Variants in GNA13 observed in about 807,000 individuals in gnomAD.
GNA13 encodes the protein guanine nucleotide-binding protein subunit alpha-13.
Under a neutral mutation model 33.5 loss-of-function variants are expected in GNA13, and 4 were observed. The ratio of observed to expected loss-of-function variants is 0.12; its 90% CI spans 0.06 to 0.27. The LOEUF is 0.27. Ranked by LOEUF, GNA13 falls within the 10% of genes least tolerant of loss-of-function variation. The pLI, the probability that GNA13 is intolerant of heterozygous loss-of-function variation, is 1.00. For missense variants in GNA13, 319 were observed against 487.2 expected (o/e 0.65, Z 3.25); for synonymous variants, 176 against 183.8 (o/e 0.96, Z 0.34).
chr17:65,036,303 C>A (rs1907244237), intron 2 of GNA13, among the ~76,000 whole-genome samples: 2 of 152,202 alleles, frequency 1.3e-5, no homozygotes, highest in South Asian at 4.1e-4. Context: ...GTTTCCAAGT[C>A]CCGATTTGGT....
At chr17:65,030,058 A>G (rs1906947592) in intron 2 of GNA13, among the ~76,000 whole-genome samples, 1 of 152,226 alleles carries the variant, frequency 6.6e-6, no homozygotes, top group Non-Finnish European at 1.5e-5. Context: ...GAAGATGCTA[A>G]GACAAAATGG....
chr17:65,035,998 T>C (rs1453024963), intron 2 of GNA13, among the ~76,000 whole-genome samples: 1 of 152,210 alleles, frequency 6.6e-6, no homozygotes, highest in Non-Finnish European at 1.5e-5. Context: ...TGCTAAAAAA[T>C]ACCCTATAAC....
intron 2 of GNA13, among the ~76,000 whole-genome samples, chr17:65,031,866 TAGAGAG>T (rs138789425): frequency 5.1e-4 from 54 of 106,408 alleles, no homozygotes; most frequent in African/African-American, 1.8e-3. Context: ...CCGGACAACA[TAGAGAG>T]AGAGAGAGAG....
chr17:65,046,175 A>AT (rs1907654595), intron 2 of GNA13, among the ~76,000 whole-genome samples: 1 of 152,216 alleles, frequency 6.6e-6, no homozygotes, highest in Admixed American at 6.5e-5. Flanking sequence ...TATGATCATG[A>AT]ATGTGATAGG....
At chr17:65,029,342 C>T (rs556889058) in intron 2 of GNA13, among the ~76,000 whole-genome samples, 6 of 152,282 alleles carry the variant, frequency 3.9e-5, no homozygotes, top group African/African-American at 4.8e-5. Flanking sequence ...TTCCCCCACA[C>T]GCCTCTGCTT....
Position 65,012,796 on chromosome 17 carries a change from A to AT in GNA13, c.*1460dup, listed in dbSNP as rs1906240162. ...AAATGACAGATATCACAGTCTTAAA[A>AT]TTTTCAGGAAAAGTAGAAAAGCTGT... On this transcript the variant is annotated 3_prime_UTR_variant, in exon 4 of 4. Coordinates refer to ENST00000439174, the MANE Select transcript of GNA13 (RefSeq NM_006572.6). 4 of 217,636 alleles carry AT rather than the reference A, an allele frequency of 1.8e-5. No individual in the cohort carries two copies. In the East Asian group the frequency reaches 2.7e-4, roughly 15 times the overall value. 13.5% of individuals were successfully genotyped at this position (217,636 alleles called of 1,614,324 possible). A position where few individuals can be genotyped will look rare whatever the true frequency, so the allele number is the denominator to read the frequency against.
intron 2 of GNA13, among the ~76,000 whole-genome samples, chr17:65,052,671 T>C (rs1907898794): frequency 6.6e-6 from 1 of 152,196 alleles, no homozygotes; most frequent in Non-Finnish European, 1.5e-5. Flanking sequence ...TTAACCTGGA[T>C]TGGATACTTT....
chr17:65,028,144 T>G (rs1906864255), intron 2 of GNA13, among the ~76,000 whole-genome samples: 1 of 152,218 alleles, frequency 6.6e-6, no homozygotes, highest in Non-Finnish European at 1.5e-5. Context: ...GAGAATGGCG[T>G]GAACCCGGGA....
At chr17:65,024,284 A>G (rs1338860050) in intron 2 of GNA13, among the ~76,000 whole-genome samples, 1 of 152,214 alleles carries the variant, frequency 6.6e-6, no homozygotes, top group Non-Finnish European at 1.5e-5. Context: ...ATTTGGTAGT[A>G]TCTGTGTGAA....
In GNA13 at chr17:65,040,391, T is replaced by C. The variant is rs558857943; in HGVS notation, c.510+13111A>G. Among the ~76,000 whole-genome samples the C allele has an allele frequency of 2.6e-5, 4 of 152,350 alleles. No homozygotes were observed. The East Asian group carries it at 5.8e-4, about 22-fold the overall frequency. On this transcript the variant is annotated intron_variant, in intron 2 of 3. Coordinates refer to ENST00000439174, the MANE Select transcript of GNA13 (RefSeq NM_006572.6). ...GTGGCAAGCTGGTAACAGTTAAAAA[T>C]AGCAAATCATTTGTATTATAATATT... is the stretch of plus-strand genomic sequence containing the variant.
At chr17:65,037,795 A>AAAAAAAAAAAAAAAAAAACAAAAAAAAAT (rs1567824035) in intron 2 of GNA13, among the ~76,000 whole-genome samples, 1 of 150,078 alleles carries the variant, frequency 6.7e-6, no homozygotes, top group Admixed American at 6.6e-5. Flanking sequence ...AAAAAAAAAA[A>AAAAAAAAAAAAAAAAAAACAAAAAAAAAT]AAAAAGACAA....
At chr17:65,025,282 C>T (rs992353994) in intron 2 of GNA13, among the ~76,000 whole-genome samples, 1 of 152,132 alleles carries the variant, frequency 6.6e-6, no homozygotes, top group African/African-American at 2.4e-5. Context: ...TTTGGGATAT[C>T]TGAATCATAA....
At chr17:65,034,254 G>A (rs186273737) in intron 2 of GNA13, among the ~76,000 whole-genome samples, 181 of 151,978 alleles carry the variant, frequency 1.2e-3, no homozygotes, top group Admixed American at 2.0e-3. Context: ...AGCTTTTTTG[G>A]AAAGAACTTA....
At chr17:65,031,361 G>A (rs76043521) in intron 2 of GNA13, among the ~76,000 whole-genome samples, 5,174 of 152,290 alleles carry the variant, frequency 0.034, 311 homozygotes, top group African/African-American at 0.12. Flanking sequence ...TATGCAGTCA[G>A]TCCTTGACCA....
chr17:65,041,974 T>C (rs766977010), intron 2 of GNA13, among the ~76,000 whole-genome samples: 54 of 152,358 alleles, frequency 3.5e-4, no homozygotes, highest in Non-Finnish European at 5.3e-4. Context: ...TGTAAGTTTT[T>C]ACATTTACAA....
At chr17:65,032,121 T>C (rs1168674420) in intron 2 of GNA13, among the ~76,000 whole-genome samples, 2 of 151,904 alleles carry the variant, frequency 1.3e-5, no homozygotes, top group African/African-American at 4.8e-5. Context: ...CCATCTAGCA[T>C]GTACTTACAT....
At chr17:65,037,535 C>T (rs1001505416) in intron 2 of GNA13, among the ~76,000 whole-genome samples, 3 of 152,082 alleles carry the variant, frequency 2.0e-5, no homozygotes, top group African/African-American at 7.2e-5. Context: ...ACTTTCCTGG[C>T]TTCCATGACG....
At chr17:65,054,165 T>C (rs1456389788) in intron 1 of GNA13, among the ~76,000 whole-genome samples, 1 of 152,236 alleles carries the variant, frequency 6.6e-6, no homozygotes, top group Non-Finnish European at 1.5e-5. Flanking sequence ...CCAACTACTA[T>C]AGCTCCATGT....
intron 3 of GNA13, among the ~76,000 whole-genome samples, chr17:65,015,662 TA>T (rs59210481): frequency 0.012 from 913 of 74,704 alleles, 11 homozygotes; most frequent in African/African-American, 0.048. Context: ...GACTTTGTCT[TA>T]AAAAAAAAAA....
Sources: allele counts gnomAD v4.1 joint callset (sites outside exome capture counted in the v4.1 genomes callset), GRCh38; gene constraint gnomAD v4.1.1; transcripts MANE v1.5; gene names NCBI Gene and HGNC (gene_info 2026-07-23, HGNC 2026-07-21).